Variants in AIM2 observed in about 807,000 individuals in gnomAD.
AIM2 encodes the protein interferon-inducible protein AIM2.
AIM2 carries 30 observed loss-of-function variants against 27.7 expected under a neutral mutation model. That is an observed-to-expected ratio of 1.08 (90% CI 0.81 to 1.47). AIM2 has a LOEUF of 1.47. AIM2 is among the 40% of genes most tolerant of loss of function. The pLI is 0.00. For synonymous variants in AIM2, 141 were observed against 145.3 expected, an observed-to-expected ratio of 0.97 and a Z score of 0.21; for missense variants, 358 against 411.3, an observed-to-expected ratio of 0.87 and a Z score of 1.12.
At chr1:159,067,370 A>C (rs1298090608) in intron 3 of AIM2, among the ~76,000 whole-genome samples, 2 of 152,198 alleles carry the variant, frequency 1.3e-5, no homozygotes, top group Non-Finnish European at 2.9e-5. Context: ...TTTAAAAGCC[A>C]CTTGCCATTT....
chr1:159,065,497 G>A (rs982372500), intron 4 of AIM2, among the ~76,000 whole-genome samples: 4 of 152,060 alleles, frequency 2.6e-5, no homozygotes, highest in South Asian at 2.1e-4. Flanking sequence ...CCTGCCTTGC[G>A]TATTGGTTTT....
chr1:159,136,925 C>G (rs1367142948), intron 1 of AIM2, among the ~76,000 whole-genome samples: 2 of 152,192 alleles, frequency 1.3e-5, no homozygotes, highest in Non-Finnish European at 2.9e-5. Context: ...TGGTACAGCA[C>G]TACGGCTTGG....
chr1:159,112,315 A>C (rs1657592544), intron 1 of AIM2, among the ~76,000 whole-genome samples: 1 of 152,216 alleles, frequency 6.6e-6, no homozygotes, highest in East Asian at 1.9e-4. Flanking sequence ...AGACTTCAAG[A>C]CAAATAGCTT....
At chr1:159,066,716 C>G (rs1056202268) in intron 3 of AIM2, among the ~76,000 whole-genome samples, 1 of 152,186 alleles carries the variant, frequency 6.6e-6, no homozygotes, top group Admixed American at 6.5e-5. Context: ...GTCCTTGTTT[C>G]TCTATCCAAT....
intron 1 of AIM2, among the ~76,000 whole-genome samples, chr1:159,124,770 C>T (rs1025300548): frequency 1.8e-4 from 27 of 152,294 alleles, no homozygotes; most frequent in African/African-American, 6.0e-4. Context: ...ACCAGCGCAC[C>T]TCTCTCCCCA....
chr1:159,072,675 G>A (rs1444175437), intron 2 of AIM2, among the ~76,000 whole-genome samples: 4 of 152,198 alleles, frequency 2.6e-5, no homozygotes, highest in Non-Finnish European at 5.9e-5. Context: ...AGATAGAGAG[G>A]AAAGAAAATC....
At chr1:159,103,429 C>T in intron 1 of AIM2, among the ~76,000 whole-genome samples, 1 of 151,820 alleles carries the variant, frequency 6.6e-6, no homozygotes, top group African/African-American at 2.4e-5. Context: ...CACAATATTC[C>T]TCAGCTTAGT....
chr1:159,133,367 T>G (rs1219616048), intron 1 of AIM2, among the ~76,000 whole-genome samples: 5 of 152,230 alleles, frequency 3.3e-5, no homozygotes, highest in Non-Finnish European at 7.3e-5. Context: ...CTCTCTCATT[T>G]TATTTATGTT....
downstream of AIM2, among the ~76,000 whole-genome samples, chr1:159,059,252 C>T (rs182233193): frequency 6.6e-6 from 1 of 151,370 alleles, no homozygotes; most frequent in Non-Finnish European, 1.5e-5. Flanking sequence ...TATTCTTATA[C>T]ACACACACAC....
At chr1:159,060,841 T>C (rs1655810044), downstream of AIM2, among the ~76,000 whole-genome samples, 1 of 152,230 alleles carries the variant, frequency 6.6e-6, no homozygotes, top group South Asian at 2.1e-4. Flanking sequence ...ACAAATAAAC[T>C]TTCATGAATA....
chr1:159,098,134 T>C (rs1657218048), intron 1 of AIM2, among the ~76,000 whole-genome samples: 1 of 152,202 alleles, frequency 6.6e-6, no homozygotes, highest in Admixed American at 6.5e-5. Context: ...TCCATCAGTG[T>C]AGATATCCAA....
At chr1:159,100,416 A>C (rs1421013103) in intron 1 of AIM2, among the ~76,000 whole-genome samples, 1 of 152,228 alleles carries the variant, frequency 6.6e-6, no homozygotes, top group Non-Finnish European at 1.5e-5. Context: ...AGAAAAGAAG[A>C]AAAAGTAGGA....
upstream of AIM2, among the ~76,000 whole-genome samples, chr1:159,077,352 C>G (rs1656648791): frequency 6.6e-6 from 1 of 152,162 alleles, no homozygotes; most frequent in Non-Finnish European, 1.5e-5. Flanking sequence ...CCACCCTTTT[C>G]TTGACTAAAG....
chr1:159,059,747 G>C (rs774475025), downstream of AIM2, among the ~76,000 whole-genome samples: 11 of 152,014 alleles, frequency 7.2e-5, no homozygotes, highest in Admixed American at 5.2e-4. Flanking sequence ...CCTTTGAACT[G>C]TACTTCCTAA....
At chr1:159,078,211 C>T (rs1044191323), upstream of AIM2, among the ~76,000 whole-genome samples, 5 of 152,252 alleles carry the variant, frequency 3.3e-5, no homozygotes, top group Admixed American at 6.5e-5. Context: ...ATCTGACATA[C>T]GGTATATGTC....
chr1:159,079,534 T>G (rs979197232), upstream of AIM2, among the ~76,000 whole-genome samples: 4 of 151,970 alleles, frequency 2.6e-5, no homozygotes, highest in Admixed American at 2.6e-4. Context: ...GCATTTTTTT[T>G]CCAGTTTTTT....
intron 1 of AIM2, among the ~76,000 whole-genome samples, chr1:159,074,035 A>T (rs1656488961): frequency 6.6e-6 from 1 of 152,092 alleles, no homozygotes; most frequent in Non-Finnish European, 1.5e-5. Flanking sequence ...GCGAAACTTC[A>T]TCTCAAAACA....
At chr1:159,092,482 C>T (rs1024229962) in intron 1 of AIM2, among the ~76,000 whole-genome samples, 5 of 152,066 alleles carry the variant, frequency 3.3e-5, no homozygotes, top group Non-Finnish European at 7.4e-5. Context: ...GAGGTTAAAG[C>T]TTATTTTCTG....
At chr1:159,137,854 C>T (rs1214428673) in intron 1 of AIM2, among the ~76,000 whole-genome samples, 1 of 152,126 alleles carries the variant, frequency 6.6e-6, no homozygotes. Context: ...GTCTGGAAAA[C>T]CAGGACGCTG....
Sources: allele counts gnomAD v4.1 joint callset (sites outside exome capture counted in the v4.1 genomes callset), GRCh38; gene constraint gnomAD v4.1.1; transcripts MANE v1.5; gene names NCBI Gene and HGNC (gene_info 2026-07-23, HGNC 2026-07-21).